Variants in MYO3A observed in about 807,000 individuals in gnomAD.
The protein encoded by MYO3A is myosin-IIIa.
Under a neutral mutation model 192.7 loss-of-function variants are expected in MYO3A, and 180 were observed. The observed-to-expected ratio is 0.93, with a 90% confidence interval of 0.83 to 1.06. The LOEUF (loss-of-function observed/expected upper bound fraction) is 1.06. Among genes scored for constraint, MYO3A ranks in the 50% least tolerant of loss-of-function variants. The pLI is 0.00. For synonymous variants in MYO3A, 628 were observed against 645.3 expected, an observed-to-expected ratio of 0.97 and a Z score of 0.41; for missense variants, 1,896 against 1,905.0, an observed-to-expected ratio of 1.00 and a Z score of 0.09.
chr10:26,057,218 T>C (rs1588875278), intron 10 of MYO3A, among the ~76,000 whole-genome samples: 1 of 152,314 alleles, frequency 6.6e-6, no homozygotes, highest in East Asian at 1.9e-4. Flanking sequence ...AAGGAGATTG[T>C]TAAAATTTGA....
intron 10 of MYO3A, among the ~76,000 whole-genome samples, chr10:26,043,648 G>C (rs982181535): frequency 8.5e-5 from 13 of 152,156 alleles, no homozygotes; most frequent in Non-Finnish European, 1.8e-4. Flanking sequence ...GTTCACTTAA[G>C]GCACAAGTGC....
intron 19 of MYO3A, 94 bp downstream of exon 19, chr10:26,125,702 GTTTCTA>G: frequency 9.3e-7 from 1 of 1,076,964 alleles, no homozygotes; most frequent in East Asian, 2.4e-5. Context: ...CTTTCAAGAT[GTTTCTA>G]TAATTGATGT....
At chr10:26,005,580 A>G (rs1288874970) in intron 6 of MYO3A, among the ~76,000 whole-genome samples, 1 of 152,166 alleles carries the variant, frequency 6.6e-6, no homozygotes, top group Non-Finnish European at 1.5e-5. Context: ...AATATATAGG[A>G]GTGAAGGGGC....
intron 14 of MYO3A, among the ~76,000 whole-genome samples, chr10:26,086,677 C>G (rs1836341095): frequency 6.6e-6 from 1 of 152,034 alleles, no homozygotes; most frequent in Non-Finnish European, 1.5e-5. Context: ...CTTTTCTTCC[C>G]CCTTGCCCAT....
chr10:25,982,896 C>T (rs188772335), intron 4 of MYO3A, among the ~76,000 whole-genome samples: 35 of 152,012 alleles, frequency 2.3e-4, no homozygotes, highest in African/African-American at 5.5e-4. Context: ...TCTTTAACAC[C>T]GCCAAAAGAT....
chr10:25,953,228 C>A (rs1040112635), intron 3 of MYO3A, among the ~76,000 whole-genome samples: 17 of 152,040 alleles, frequency 1.1e-4, no homozygotes, highest in African/African-American at 4.1e-4. Flanking sequence ...TGAGATGCTG[C>A]AAAAGGTCTC....
intron 31 of MYO3A, among the ~76,000 whole-genome samples, chr10:26,179,596 TTACTGTA>T (rs1490893576): frequency 1.3e-5 from 2 of 152,166 alleles, no homozygotes; most frequent in African/African-American, 4.8e-5. Flanking sequence ...AAGTGAGAAC[TTACTGTA>T]TGATGATGTG....
At chr10:26,092,730 T>C (rs773825538) in intron 15 of MYO3A, among the ~76,000 whole-genome samples, 1 of 152,132 alleles carries the variant, frequency 6.6e-6, no homozygotes, top group African/African-American at 2.4e-5. Flanking sequence ...GATCCACAAG[T>C]AGGAATGAGG....
intron 10 of MYO3A, among the ~76,000 whole-genome samples, chr10:26,027,130 T>C (rs1359085204): frequency 6.6e-6 from 1 of 152,220 alleles, no homozygotes; most frequent in Non-Finnish European, 1.5e-5. Context: ...ACCATAAAAC[T>C]TGAAAGACCT....
intron 10 of MYO3A, among the ~76,000 whole-genome samples, chr10:26,059,017 AC>A (rs34817852): frequency 0.47 from 71,808 of 151,934 alleles, 17,808 homozygotes; most frequent in Middle Eastern, 0.58. Flanking sequence ...GAAAGCAGTG[AC>A]TTTTTTATAT....
chr10:25,939,298 T>A (rs576928419), intron 2 of MYO3A, among the ~76,000 whole-genome samples: 330 of 152,122 alleles, frequency 2.2e-3, no homozygotes, highest in African/African-American at 7.3e-3. Flanking sequence ...TTAAAAAAAA[T>A]TATCTTTAAA....
chr10:25,966,416 T>G (rs1457060782), intron 4 of MYO3A, among the ~76,000 whole-genome samples: 2 of 152,172 alleles, frequency 1.3e-5, no homozygotes, highest in Non-Finnish European at 2.9e-5. Context: ...GGAAGACAAT[T>G]TAAAGCTAAA....
chr10:26,026,089 A>G (rs1042690113), intron 9 of MYO3A, among the ~76,000 whole-genome samples: 20 of 152,238 alleles, frequency 1.3e-4, no homozygotes, highest in Admixed American at 1.2e-3. Context: ...AATTATCACT[A>G]TGCAATAATC....
At chr10:25,975,219 G>A (rs1838899335) in intron 4 of MYO3A, among the ~76,000 whole-genome samples, 1 of 152,194 alleles carries the variant, frequency 6.6e-6, no homozygotes, top group African/African-American at 2.4e-5. Context: ...ATGAAAAGGT[G>A]AAGCAGAGGA....
Position 26,143,427 on chromosome 10 carries a change from GTGGTTT to G in MYO3A, c.2263-18_2263-13del, listed in dbSNP as rs1564591298. 1.3e-6 allele frequency: 2 copies of G among 1,593,880 alleles called. No homozygotes were observed. Among genetic ancestry groups the G allele is most frequent in the South Asian group, 2.2e-5 (2 of 90,512 alleles). ...AGCTATATATTATTCACAGTTTTAA[GTGGTTT>G]TGTCTTTATTATAGAATGAATACCT... On this transcript the variant is annotated splice_polypyrimidine_tract_variant and intron_variant, in intron 20 of 34. Transcript: ENST00000642920.
At position 26,174,387 on chromosome 10, in the gene MYO3A, A is replaced by G. The variant is rs1227000239; in HGVS notation, c.4123A>G (p.Lys1375Glu). 1.9e-6 allele frequency: 3 copies of G among 1,614,206 alleles called. No homozygotes were observed. Among genetic ancestry groups the G allele is most frequent in the Non-Finnish European group, 2.5e-6 (3 of 1,180,036 alleles). The change falls in exon 30 of 35, where the codon AAG becomes GAG. Residue 1375 changes from lysine to glutamate, a missense_variant. Physicochemically the swap from Lys to Glu is moderately conservative, Grantham distance 56. Coordinates refer to ENST00000642920, the MANE Select transcript of MYO3A (RefSeq NM_017433.5). The stretch of plus-strand genomic sequence containing the variant: ...GAGGAAGGACAAGATGTCTTCTTTT[A>G]AGCATCAGAGGATTGTCACAACACC... ...QLRKDKMSSFKHQRIVTTPTE... is the reference protein window; with the variant it reads ...QLRKDKMSSFEHQRIVTTPTE...
chr10:26,136,846 T>C (rs1839875949), intron 20 of MYO3A, among the ~76,000 whole-genome samples: 1 of 151,890 alleles, frequency 6.6e-6, no homozygotes, highest in South Asian at 2.1e-4. Flanking sequence ...ATGGTGAAAC[T>C]CCATCTGTAA....
intron 17 of MYO3A, among the ~76,000 whole-genome samples, chr10:26,112,647 T>G (rs762769564): frequency 3.2e-4 from 49 of 152,166 alleles, no homozygotes; most frequent in Non-Finnish European, 5.4e-4. Context: ...TCATTGGTGT[T>G]GACAGCACCC....
Position 25,948,174 on chromosome 10 carries a change from C to T in MYO3A, c.-17-3920C>T, listed in dbSNP as rs375712613. On this transcript the variant is annotated intron_variant, in intron 2 of 34. Transcript: ENST00000642920. ...CTAGGCAGAGGGAACACAGATAACC[C>T]AATGGGAAACCAGCCCTGCTATGTT... 2.2e-4 allele frequency among the ~76,000 whole-genome samples: 33 copies of T among 152,198 alleles called. 1 individual carries two copies. The South Asian group carries it at 6.9e-3, about 32-fold the overall frequency.
Sources: allele counts gnomAD v4.1 joint callset (sites outside exome capture counted in the v4.1 genomes callset), GRCh38; gene constraint gnomAD v4.1.1; transcripts MANE v1.5; gene names NCBI Gene and HGNC (gene_info 2026-07-23, HGNC 2026-07-21).